The following TAF5L variants were observed in gnomAD, a reference collection of about 807,000 sequenced individuals.
The protein encoded by TAF5L is TATA-box binding protein associated factor 5 like.
A neutral mutation model predicts 51.3 loss-of-function variants in TAF5L; 7 were observed. The ratio of observed to expected loss-of-function variants is 0.14; its 90% CI spans 0.08 to 0.26. The LOEUF (loss-of-function observed/expected upper bound fraction) is 0.26, where lower values mean the gene tolerates loss of function less well. Ranked by LOEUF, TAF5L falls within the 10% of genes least tolerant of loss-of-function variation. The probability of loss-of-function intolerance (pLI) is 1.00; values close to 1 mark genes in which losing one functional copy is unlikely to be tolerated. For missense variants in TAF5L, 575 were observed against 758.9 expected (o/e 0.76, Z 2.85); for synonymous variants, 291 against 308.1 (o/e 0.94, Z 0.58).
chr1:229,606,881 G>A, intron 3 of TAF5L: 1 of 985,330 alleles, frequency 1.0e-6, no homozygotes, highest in Non-Finnish European at 1.2e-6. Flanking sequence ...GACAACCTGT[G>A]GAGGAAAAAT....
intron 3 of TAF5L, chr1:229,607,643 T>C (rs370891058): frequency 4.6e-6 from 1 of 217,116 alleles, no homozygotes; most frequent in Non-Finnish European, 7.9e-6. Flanking sequence ...AATTCCTATA[T>C]GATTCAGCAA....
intron 4 of TAF5L, chr1:229,601,927 A>C: frequency 1.6e-6 from 2 of 1,229,202 alleles, no homozygotes; most frequent in Non-Finnish European, 2.0e-6. Context: ...AAGGTCTTTC[A>C]TTAGGCTTAG....
At chr1:229,601,612 G>C (rs1227444471) in intron 4 of TAF5L, 2 of 985,976 alleles carry the variant, frequency 2.0e-6, no homozygotes, top group African/African-American at 3.5e-5. Flanking sequence ...TACTTCCTGT[G>C]TTACTTCTCC....
chr1:229,594,153 A>G lies in TAF5L; in HGVS notation c.*144T>C. 1 of 957,568 alleles carries G rather than the reference A, an allele frequency of 1.0e-6. No individual in the cohort carries two copies. The highest frequency in any genetic ancestry group is 1.5e-6 in the Non-Finnish European group (1 of 651,272). The allele number at this position is 957,568 out of a possible 1,614,324, so 59.3% of individuals were successfully genotyped here. On this transcript the variant is annotated 3_prime_UTR_variant, in exon 5 of 5. Coordinates refer to ENST00000258281, the Ensembl canonical transcript of TAF5L. The surrounding 1 kb of genome is among the most constrained non-coding windows in gnomAD (Gnocchi z 7.9). The stretch of plus-strand genomic sequence containing the variant: ...CCTTCGACACTGGGGGGCTGAGTGA[A>G]GGGGGACCTGCCCGGAATGAGGGCC...
intron 3 of TAF5L, chr1:229,606,923 T>C (rs533878939): frequency 1.0e-6 from 1 of 985,380 alleles, no homozygotes; most frequent in Admixed American, 6.1e-5. Context: ...TAGATACTCT[T>C]ATATCTTTCC....
intron 4 of TAF5L, chr1:229,600,813 A>G (rs1664346294): frequency 1.0e-6 from 1 of 985,268 alleles, no homozygotes; most frequent in Non-Finnish European, 1.2e-6. Context: ...ATTTTGGTCT[A>G]CTGTTATCAG....
intron 2 of TAF5L, among the ~76,000 whole-genome samples, chr1:229,611,238 T>G (rs1427094791): frequency 6.6e-6 from 1 of 152,142 alleles, no homozygotes; most frequent in Non-Finnish European, 1.5e-5. Flanking sequence ...ATTCAGTATG[T>G]AAACACACAC....
At chr1:229,613,241 G>A (rs1253093497) in intron 2 of TAF5L, among the ~76,000 whole-genome samples, 1 of 149,770 alleles carries the variant, frequency 6.7e-6, no homozygotes, top group Non-Finnish European at 1.5e-5. Context: ...TGAGATGGAG[G>A]ATCACTTGAG....
chr1:229,610,639 A>G (rs1415424313), intron 2 of TAF5L, among the ~76,000 whole-genome samples: 1 of 152,132 alleles, frequency 6.6e-6, no homozygotes, highest in Non-Finnish European at 1.5e-5. Flanking sequence ...TTCTGGAATC[A>G]TTTTGATAAT....
chr1:229,604,268 A>G (rs150539022), intron 3 of TAF5L, among the ~76,000 whole-genome samples: 83 of 152,072 alleles, frequency 5.5e-4, no homozygotes, highest in African/African-American at 2.0e-3. Context: ...ATGATAAAAG[A>G]TATCTGCATG....
exon 5 of TAF5L, chr1:229,593,528 A>G (rs58634316): frequency 0.028 from 4,191 of 152,160 alleles, 192 homozygotes; most frequent in African/African-American, 0.094. Flanking sequence ...AGTGTTCTCA[A>G]TCAAACCCAC....
chr1:229,625,278 A>T lies in TAF5L; in HGVS notation c.-4+607T>A, dbSNP rs1408303840. 6.6e-6 allele frequency among the ~76,000 whole-genome samples: 1 copy of T among 152,094 alleles called. No individual in the cohort carries two copies. The highest frequency in any genetic ancestry group is 6.5e-5 in the Admixed American group (1 of 15,282). On this transcript the variant is annotated intron_variant, in intron 1 of 4. Coordinates refer to ENST00000258281, the Ensembl canonical transcript of TAF5L. The surrounding 1 kb of genome is among the most constrained non-coding windows in gnomAD (Gnocchi z 4.0). ...GGAGGTGGTGAACCCGTCCCACACC[A>T]TGGGCGCACCAACCTTACCTTGCTG...
intron 3 of TAF5L, among the ~76,000 whole-genome samples, chr1:229,604,114 T>C (rs146608433): frequency 1.9e-3 from 287 of 152,046 alleles, no homozygotes; most frequent in Non-Finnish European, 2.9e-3. Flanking sequence ...GTAATGTTTG[T>C]ACATATTTAA....
chr1:229,612,294 A>C (rs981519629), intron 2 of TAF5L, among the ~76,000 whole-genome samples: 2 of 152,236 alleles, frequency 1.3e-5, no homozygotes, highest in African/African-American at 4.8e-5. Flanking sequence ...AAACTAAGAC[A>C]ACTTAGACGA....
Position 229,601,336 on chromosome 1 carries a change from A to C in TAF5L, c.972+859T>G, listed in dbSNP as rs987118275. On this transcript the variant is annotated intron_variant, in intron 4 of 4. Transcript: ENST00000258281. ...ACATTGTGTAAAGAATTTTCCATCC[A>C]AAGTAATGTGAGGCAGAGCTACCTG... is the stretch of plus-strand genomic sequence containing the variant. The C allele has an allele frequency of 8.1e-6, 8 of 985,326 alleles. No individual in the cohort carries two copies. In the African/African-American group the frequency reaches 1.4e-4, roughly 17 times the overall value. The allele number at this position is 985,326 out of a possible 1,614,324, so 61.0% of individuals were successfully genotyped here.
intron 3 of TAF5L, among the ~76,000 whole-genome samples, chr1:229,605,575 T>C (rs898802218): frequency 5.3e-5 from 8 of 151,860 alleles, no homozygotes; most frequent in Admixed American, 6.6e-5. Context: ...CACACAGATA[T>C]TCAGTCAAAC....
chr1:229,616,375 T>TTTATTTATTATTA (rs1553271735), intron 1 of TAF5L, among the ~76,000 whole-genome samples: 39,587 of 148,016 alleles, frequency 0.27, 5,398 homozygotes, highest in South Asian at 0.41. Context: ...TTTATTTATA[T>TTTATTTATTATTA]TTTTTTTTTT....
At chr1:229,623,414 C>T (rs1486862178) in intron 1 of TAF5L, among the ~76,000 whole-genome samples, 2 of 152,246 alleles carry the variant, frequency 1.3e-5, no homozygotes, top group African/African-American at 4.8e-5. Flanking sequence ...CTTGGTTCTT[C>T]TTACTCTACT....
rs1664055800 is a variant in TAF5L, at chr1:229,594,791, G to A, written c.1276C>T (p.Leu426=). The change falls in exon 5 of 5, where the codon CTG becomes TTG. Residue 426 remains leucine (L), a synonymous_variant. Coordinates refer to ENST00000258281, the Ensembl canonical transcript of TAF5L. The surrounding 1 kb of genome is among the most constrained non-coding windows in gnomAD (Gnocchi z 7.9). ...AATTTGACACAGTCCACATCTGCCA[G>A]GTGTCCTGCATATATCCTCAGCGGG... The A allele has an allele frequency of 6.2e-7, 1 of 1,614,222 alleles. No homozygotes were observed. Among genetic ancestry groups the A allele is most frequent in the Non-Finnish European group, 8.5e-7 (1 of 1,180,040 alleles).
Sources: gnomAD v4.1 joint callset for allele counts (sites outside exome capture counted in the v4.1 genomes callset) on GRCh38, gnomAD v4.1.1 for gene constraint, Gnocchi (gnomAD v3.1) non-coding constraint, MANE v1.5 for transcripts, NCBI Gene and HGNC (gene_info 2026-07-23, HGNC 2026-07-21) for gene names.